STK11IP: variants seen among roughly 807,000 people sequenced by gnomAD.
STK11IP encodes serine/threonine kinase 11 interacting protein, also known as serine/threonine-protein kinase 11-interacting protein.
A neutral mutation model predicts 131.7 loss-of-function variants in STK11IP; 103 were observed. The observed-to-expected ratio is 0.78, with a 90% CI of 0.67 to 0.92. The LOEUF (loss-of-function observed/expected upper bound fraction) is 0.92. STK11IP is among the 40% of genes least tolerant of loss of function. STK11IP has a pLI of 0.00. For synonymous variants in STK11IP, 557 were observed against 575.6 expected, an observed-to-expected ratio of 0.97 and a Z score of 0.46; for missense variants, 1,315 against 1,385.7, an observed-to-expected ratio of 0.95 and a Z score of 0.81.
chr2:219,598,254 C>G (rs779769767), intron 2 of STK11IP, 74 bp downstream of exon 2: 76 of 1,149,772 alleles, frequency 6.6e-5, no homozygotes, highest in Non-Finnish European at 8.5e-5. Flanking sequence ...GAGACACGCC[C>G]TGAGAGTCAT....
At chr2:219,609,285 C>A (rs901573151) in intron 16 of STK11IP, 72 bp downstream of exon 16, 1 of 1,579,358 alleles carries the variant, frequency 6.3e-7, no homozygotes, top group African/African-American at 1.3e-5. Context: ...GGCAGCAGGC[C>A]TGAGGGCCGG....
chr2:219,606,238 G>T lies in STK11IP; in HGVS notation c.893G>T (p.Arg298Leu). 6.4e-7 allele frequency: 1 copy of T among 1,572,542 alleles called. No homozygotes were observed. The highest frequency in any genetic ancestry group is 8.6e-7 in the Non-Finnish European group (1 of 1,158,862). The change falls in exon 10 of 25, where the codon CGA (arginine) becomes CTA (leucine). Residue 298 changes from arginine (R) to leucine (L), a missense_variant. Physicochemically the swap from Arg to Leu is moderately radical, Grantham distance 102 (BLOSUM62 -2). Coordinates refer to ENST00000456909, the MANE Select transcript of STK11IP (RefSeq NM_052902.4). ...CCTCTTTGGTTCCACCCTGAGCACC[G>T]AGCAGCCACTGCCCAGTACTTGTCA... ...GNPLWFHPEH[R>L]AATAQYLSPR...
rs769215476 is a variant in STK11IP, at chr2:219,605,732, A to C, written c.743A>C (p.His248Pro). Residue 248 changes from histidine (H) to proline (P), a missense_variant and splice_region_variant, in exon 8 of 25, where the codon CAT becomes CCT. Physicochemically the swap from His to Pro is moderately conservative, Grantham distance 77 (BLOSUM62 -2). Coordinates refer to ENST00000456909, the MANE Select transcript of STK11IP (RefSeq NM_052902.4). The part of the protein sequence containing the change: ...ILRGNELRSL[H>P]GLEQLRNLRH... ...CGAGGCAATGAGCTTCGGAGCCTGC[A>C]TGGTGAGTGGGGGTGTGTGATGGGG... 3.1e-6 allele frequency: 5 copies of C among 1,597,188 alleles called. No homozygotes were observed. The African/African-American group carries it at 6.7e-5, about 21-fold the overall frequency.
In STK11IP at chr2:219,615,208, C is replaced by A; in HGVS notation, c.2984C>A (p.Ala995Asp). 6.3e-7 allele frequency: 1 copy of A among 1,596,328 alleles called. No homozygotes were observed. Among genetic ancestry groups the A allele is most frequent in the Non-Finnish European group, 8.5e-7 (1 of 1,174,940 alleles). Residue 995 changes from alanine (A) to aspartate (D), a missense_variant, in exon 24 of 25, where the codon GCC (alanine) becomes GAC (aspartate). By Grantham distance (126) the Ala-to-Asp change is moderately radical. Coordinates refer to ENST00000456909, the MANE Select transcript of STK11IP (RefSeq NM_052902.4). ...EPSPPAASGEASEKVPPSGPG... is the reference protein window; with the variant it reads ...EPSPPAASGEDSEKVPPSGPG... The stretch of plus-strand genomic sequence containing the variant: ...TCTCCTCCAGCAGCATCTGGCGAAG[C>A]CTCTGAGAAGGTGCCTCCCTCGGGG...
chr2:219,598,218 G>C (rs1226140940), intron 2 of STK11IP, 38 bp downstream of exon 2: 1 of 1,467,888 alleles, frequency 6.8e-7, no homozygotes, highest in Non-Finnish European at 9.2e-7. Context: ...CTCGGACCTC[G>C]GACGAGGTGG....
intron 2 of STK11IP, among the ~76,000 whole-genome samples, chr2:219,600,047 TTTTTTG>T (rs1352800074): frequency 2.8e-4 from 39 of 139,230 alleles, no homozygotes; most frequent in East Asian, 6.3e-4. Context: ...TTGTGTTTTT[TTTTTTG>T]TTTTTGTTTT....
In STK11IP at chr2:219,609,538, C is replaced by T. The variant is rs1698323536; in HGVS notation, c.2102C>T (p.Thr701Ile). Residue 701 changes from threonine to isoleucine, a missense_variant and splice_region_variant, in exon 17 of 25, where the codon ACA (threonine) becomes ATA (isoleucine). Thr to Ile is a moderately conservative substitution (Grantham distance 89). Coordinates refer to ENST00000456909, the MANE Select transcript of STK11IP (RefSeq NM_052902.4). ...EEGWRPLFQK[T>I]ESPAVCPNCG... The stretch of plus-strand genomic sequence containing the variant: ...GGCTGGAGGCCTCTGTTCCAAAAGA[C>T]AGGTACAAGTCCTGCCCTTGACCTC... 4 of 1,561,300 alleles carry T rather than the reference C, an allele frequency of 2.6e-6. No individual in the cohort carries two copies. Among genetic ancestry groups the T allele is most frequent in the Non-Finnish European group, 2.6e-6 (3 of 1,152,234 alleles).
At chr2:219,609,753 T>G in intron 17 of STK11IP, 1 of 562,704 alleles carries the variant, frequency 1.8e-6, no homozygotes, top group Non-Finnish European at 3.1e-6. Context: ...TGTTTTTTTT[T>G]TTTTTTTAAC....
rs763116542 is a variant in STK11IP, at chr2:219,613,951, G to T, written c.2716+21G>T. 2.0e-5 allele frequency: 19 copies of T among 961,996 alleles called. No individual in the cohort carries two copies. The Admixed American group carries it at 3.9e-4, about 20-fold the overall frequency. The allele number at this position is 961,996 out of a possible 1,614,324, so 59.6% of individuals were successfully genotyped here. ...CCTTGGTGAGAGAGGGGAGGGGAAG[G>T]CAGGAGGGTGGGCAGGAGGGTGGGC... On this transcript the variant is annotated intron_variant, in intron 21 of 24. Coordinates refer to ENST00000456909, the MANE Select transcript of STK11IP (RefSeq NM_052902.4).
At position 219,598,349 on chromosome 2, in the gene STK11IP, G is replaced by A. The variant is rs529797229; in HGVS notation, c.61+169G>A. The stretch of plus-strand genomic sequence containing the variant: ...TTTGTTCGCCCTTACAGTGTCCTTT[G>A]CCTGTGATAGCCTAAACTCTAGCCG... On this transcript the variant is annotated intron_variant, in intron 2 of 24. Transcript: ENST00000456909. The A allele has an allele frequency of 1.6e-4, 84 of 529,216 alleles. No individual in the cohort carries two copies. The South Asian group carries it at 2.4e-3, about 15-fold the overall frequency. The allele number at this position is 529,216 out of a possible 1,614,324, so 32.8% of individuals were successfully genotyped here.
chr2:219,602,173 C>T, intron 5 of STK11IP, 90 bp downstream of exon 5: 1 of 949,518 alleles, frequency 1.1e-6, no homozygotes, highest in Admixed American at 2.0e-5. Context: ...GCAGCTCTCC[C>T]TGCCTCCTGC....
intron 15 of STK11IP, 122 bp downstream of exon 15, chr2:219,608,910 G>A: frequency 8.1e-7 from 1 of 1,231,462 alleles, no homozygotes; most frequent in Non-Finnish European, 1.1e-6. Context: ...GAGGAGGGGA[G>A]CCTCAGAGGT....
rs1455890735 is a variant in STK11IP at position 219,601,448 on chromosome 2, G to T, written c.267+8G>T. 2 of 1,613,910 alleles carry T rather than the reference G, an allele frequency of 1.2e-6. No individual in the cohort carries two copies. The highest frequency in any genetic ancestry group is 1.1e-5 in the South Asian group (1 of 91,054). On this transcript the variant is annotated splice_region_variant and intron_variant, in intron 3 of 24. Coordinates refer to ENST00000456909, the MANE Select transcript of STK11IP (RefSeq NM_052902.4). ...AAAACACTTTCACTCAAGGTTCTGG[G>T]TGTGGGGAAGAGGCAGGATGTGCAA...
chr2:219,598,261 T>C (rs1697863593), intron 2 of STK11IP, 81 bp downstream of exon 2: 1 of 1,079,312 alleles, frequency 9.3e-7, no homozygotes, highest in Non-Finnish European at 1.3e-6. Context: ...GCCCTGAGAG[T>C]CATGGAGTTA....
rs1698542058 is a variant in STK11IP at position 219,615,358 on chromosome 2, C to G, written c.3117+17C>G. The G allele has an allele frequency of 6.3e-6, 10 of 1,587,424 alleles. No homozygotes were observed. The highest frequency in any genetic ancestry group is 8.6e-6 in the Non-Finnish European group (10 of 1,169,422). On this transcript the variant is annotated intron_variant, in intron 24 of 24. Coordinates refer to ENST00000456909, the MANE Select transcript of STK11IP (RefSeq NM_052902.4). ...TACGATGAGGTGTGTATGTGTATCT[C>G]CAGTGAGAGGGAGGGAGGGGAGATG...
intron 19 of STK11IP, among the ~76,000 whole-genome samples, chr2:219,612,869 A>G (rs1698438767): frequency 6.6e-6 from 1 of 152,148 alleles, no homozygotes; most frequent in African/African-American, 2.4e-5. Flanking sequence ...GCCTTAGAAT[A>G]GTTAGTCTGG....
At position 219,606,725 on chromosome 2, in the gene STK11IP, T is replaced by G; in HGVS notation, c.1001T>G (p.Leu334Trp). ...GTCACGTGCCAGACTCACACATCCT[T>G]GGGGCTCAGCCCCATGGGCCCACCT... ...SLTDFQTHTSLGLSPMGPPLP... is the reference protein window; with the variant it reads ...SLTDFQTHTSWGLSPMGPPLP... The change falls in exon 12 of 25, where the codon TTG becomes TGG. Residue 334 changes from leucine (L) to tryptophan (W), a missense_variant. Transcript: ENST00000456909. The G allele has an allele frequency of 2.5e-6, 4 of 1,611,558 alleles. No individual in the cohort carries two copies. Among genetic ancestry groups the G allele is most frequent in the Non-Finnish European group, 2.5e-6 (3 of 1,178,468 alleles).
chr2:219,610,687 C>T (rs987022824), intron 17 of STK11IP, among the ~76,000 whole-genome samples: 5 of 152,216 alleles, frequency 3.3e-5, no homozygotes, highest in African/African-American at 1.2e-4. Context: ...GCGTGAGCCA[C>T]CACGCCCGGC....
Position 219,608,241 on chromosome 2 carries a change from C to G in STK11IP, c.1414C>G (p.Pro472Ala), listed in dbSNP as rs1181606743. 3 of 1,613,506 alleles carry G rather than the reference C, an allele frequency of 1.9e-6. No individual in the cohort carries two copies. The highest frequency in any genetic ancestry group is 1.6e-4 in the Middle Eastern group (1 of 6,084). Residue 472 changes from proline (P) to alanine (A), a missense_variant, in exon 14 of 25, where the codon CCG becomes GCG. By Grantham distance (27) the Pro-to-Ala change is conservative. Coordinates refer to ENST00000456909, the MANE Select transcript of STK11IP (RefSeq NM_052902.4). The stretch of plus-strand genomic sequence containing the variant: ...CGACACTGCACCCAGACCTTCACCC[C>G]CGCAGGAGGAAGCCAGAGGCCCCCA... ...GPDTAPRPSP[P>A]QEEARGPQES...
Sources: gnomAD v4.1 joint callset for allele counts (sites outside exome capture counted in the v4.1 genomes callset) on GRCh38, gnomAD v4.1.1 for gene constraint, MANE v1.5 for transcripts, NCBI Gene and HGNC (gene_info 2026-07-23, HGNC 2026-07-21) for gene names.